The following PPP2R1A variants were observed in gnomAD, a reference collection of about 807,000 sequenced individuals.
PPP2R1A encodes the protein serine/threonine-protein phosphatase 2A 65 kDa regulatory subunit A alpha isoform.
A neutral mutation model predicts 67.1 loss-of-function variants in PPP2R1A; 15 were observed. That is an observed-to-expected ratio of 0.22 (90% CI 0.15 to 0.34). The LOEUF is 0.34. Ranked by LOEUF, PPP2R1A falls within the 10% of genes least tolerant of loss-of-function variation. The pLI, the probability that PPP2R1A is intolerant of heterozygous loss-of-function variation, is 1.00. For synonymous variants in PPP2R1A, 337 were observed against 325.0 expected, an observed-to-expected ratio of 1.04 and a Z score of -0.40; for missense variants, 369 against 775.0, an observed-to-expected ratio of 0.48 and a Z score of 6.22.
rs77987409 is a variant in PPP2R1A, at chr19:52,220,183, C to T, written c.1303-6C>T. On this transcript the variant is annotated splice_polypyrimidine_tract_variant and splice_region_variant and intron_variant, in intron 10 of 14. Transcript: ENST00000322088. ...CTTACCTTGGAACCCTTGGTTTCTC[C>T]TGTAGGGAGTGGAGTTCTTTGATGA... 1.8e-3 allele frequency: 2,864 copies of T among 1,613,898 alleles called. 55 individuals are homozygous for T. The African/African-American group carries it at 0.033, about 19-fold the overall frequency.
rs2089672362 is a variant in PPP2R1A, at chr19:52,211,693, C to G, written c.503+201C>G. On this transcript the variant is annotated intron_variant, in intron 4 of 14. Coordinates refer to ENST00000322088, the MANE Select transcript of PPP2R1A (RefSeq NM_014225.6). This position sits in a 1 kb window ranked among gnomAD's most constrained non-coding sequence, Gnocchi z 5.3. ...ACGTGTCAGTTTACCCACCTCTGCC[C>G]CCTTGCTCACTTAGGAATTGAGATG... 1 of 596,602 alleles carries G rather than the reference C, an allele frequency of 1.7e-6. No individual in the cohort carries two copies. The highest frequency in any genetic ancestry group is 3.0e-6 in the Non-Finnish European group (1 of 338,834). 37.0% of individuals were successfully genotyped at this position (596,602 alleles called of 1,614,324 possible). A position where few individuals can be genotyped will look rare whatever the true frequency, so the allele number is the denominator to read the frequency against.
rs1978595899 is a variant in PPP2R1A, at chr19:52,216,720, A to G, written c.1128+57A>G. Reference sequence around the variant, plus strand: ...GTGGAGGGGACAGGCGGGTCTTCCTAGATTGCTAGGGTTTACCTAGATTGA... The same window carrying G: ...GTGGAGGGGACAGGCGGGTCTTCCTGGATTGCTAGGGTTTACCTAGATTGA... On this transcript the variant is annotated intron_variant, in intron 9 of 14. Transcript: ENST00000322088. The surrounding 1 kb of genome is among the most constrained non-coding windows in gnomAD (Gnocchi z 4.3). 1 of 1,611,684 alleles carries G rather than the reference A, an allele frequency of 6.2e-7. No homozygotes were observed. Among genetic ancestry groups the G allele is most frequent in the Non-Finnish European group, 8.5e-7 (1 of 1,178,302 alleles).
At chr19:52,201,065 T>A (rs1002153126) in intron 1 of PPP2R1A, 1 of 151,426 alleles carries the variant, frequency 6.6e-6, no homozygotes, top group Non-Finnish European at 1.5e-5. Context: ...TAGGATGATA[T>A]TATCTGGACA....
At chr19:52,207,165 G>A (rs1034250889) in intron 3 of PPP2R1A, among the ~76,000 whole-genome samples, 2 of 152,120 alleles carry the variant, frequency 1.3e-5, no homozygotes, top group Admixed American at 6.6e-5. Context: ...CAAATAGATC[G>A]TTTCATACAT....
intron 1 of PPP2R1A, among the ~76,000 whole-genome samples, chr19:52,199,422 G>T (rs777508649): frequency 1.1e-4 from 17 of 151,718 alleles, no homozygotes; most frequent in Admixed American, 2.0e-4. Context: ...GCCTGCCTCG[G>T]CCTCCCAAGG....
In PPP2R1A at chr19:52,216,855, C is replaced by A. The variant is rs1292325804; in HGVS notation, c.1128+192C>A. Among the ~76,000 whole-genome samples the A allele has an allele frequency of 1.3e-5, 2 of 152,172 alleles. No homozygotes were observed. Among genetic ancestry groups the A allele is most frequent in the African/African-American group, 4.8e-5 (2 of 41,434 alleles). On this transcript the variant is annotated intron_variant, in intron 9 of 14. Coordinates refer to ENST00000322088, the MANE Select transcript of PPP2R1A (RefSeq NM_014225.6). This position sits in a 1 kb window ranked among gnomAD's most constrained non-coding sequence, Gnocchi z 4.3. Reference sequence around the variant, plus strand: ...ATTCCTCCAGGCACTCTTCATGAGGCCTTTCCTGGACATGGAGGATATGAA... The same window carrying A: ...ATTCCTCCAGGCACTCTTCATGAGGACTTTCCTGGACATGGAGGATATGAA...
At chr19:52,201,858 G>C in intron 1 of PPP2R1A, 86 bp from the exon 2 acceptor site, 2 of 1,278,922 alleles carry the variant, frequency 1.6e-6, no homozygotes, top group Non-Finnish European at 2.2e-6. Context: ...AAGGCTTCCA[G>C]GGGCTGACTG....
chr19:52,216,812 C>G lies in PPP2R1A; in HGVS notation c.1128+149C>G. 1 of 1,256,376 alleles carries G rather than the reference C, an allele frequency of 8.0e-7. No homozygotes were observed. The highest frequency in any genetic ancestry group is 1.4e-5 in the South Asian group (1 of 70,468). The allele number at this position is 1,256,376 out of a possible 1,614,324, so 77.8% of individuals were successfully genotyped here. A position where few individuals can be genotyped will look rare whatever the true frequency, so the allele number is the denominator to read the frequency against. ...CTGAGTTGCATGTTTGTGGGCATAG[C>G]TGTGTGTTCATGCGTTCATTCCTCC... On this transcript the variant is annotated intron_variant, in intron 9 of 14. Coordinates refer to ENST00000322088, the MANE Select transcript of PPP2R1A (RefSeq NM_014225.6). The surrounding 1 kb of genome is among the most constrained non-coding windows in gnomAD (Gnocchi z 4.3).
intron 3 of PPP2R1A, among the ~76,000 whole-genome samples, chr19:52,208,511 T>C (rs1234822415): frequency 6.6e-6 from 1 of 151,548 alleles, no homozygotes; most frequent in African/African-American, 2.4e-5. Flanking sequence ...TATTTTTATT[T>C]TTCTTTGAGA....
chr19:52,193,580 GTTTTA>G (rs1185325789), intron 1 of PPP2R1A, among the ~76,000 whole-genome samples: 3 of 152,010 alleles, frequency 2.0e-5, no homozygotes, highest in Non-Finnish European at 4.4e-5. Flanking sequence ...TAACACTTTG[GTTTTA>G]TTTTATTTTA....
At position 52,213,471 on chromosome 19, in the gene PPP2R1A, T is replaced by G. The variant is rs1037429885; in HGVS notation, c.807+361T>G. Among the ~76,000 whole-genome samples the G allele has an allele frequency of 4.3e-5, 5 of 116,892 alleles. No homozygotes were observed. The highest frequency in any genetic ancestry group is 2.3e-4 in the East Asian group (1 of 4,432). The allele number at this position is 116,892 out of a possible 152,430, so 76.7% of individuals were successfully genotyped here. ...GGTTTTTTGGTGTTTTTTTTTTTTT[T>G]TTTTTTTTTTTTTTTTAAGATGGAG... On this transcript the variant is annotated intron_variant, in intron 6 of 14. Transcript: ENST00000322088. The surrounding 1 kb of genome is among the most constrained non-coding windows in gnomAD (Gnocchi z 4.2).
intron 7 of PPP2R1A, 44 bp from the exon 8 acceptor site, chr19:52,215,960 A>G (rs1203176711): frequency 1.2e-6 from 2 of 1,609,472 alleles, no homozygotes; most frequent in East Asian, 2.2e-5. Flanking sequence ...TGGAACTAGC[A>G]CATCAGGTCT....
chr19:52,220,980 A>G lies in PPP2R1A; in HGVS notation c.1365A>G (p.Val455=), dbSNP rs1306993943. Residue 455 remains valine, a splice_region_variant and synonymous_variant, in exon 12 of 15, where the codon GTA becomes GTG. Coordinates refer to ENST00000322088, the MANE Select transcript of PPP2R1A (RefSeq NM_014225.6). The part of the protein sequence containing the change: ...SLCMAWLVDH[V]YAIREAATSN... Reference sequence around the variant, plus strand: ...TCTCTCACCCTCACCCTTCTGCAGTATATGCCATCCGCGAGGCAGCCACCA... The same window carrying G: ...TCTCTCACCCTCACCCTTCTGCAGTGTATGCCATCCGCGAGGCAGCCACCA... 2 of 1,614,204 alleles carry G rather than the reference A, an allele frequency of 1.2e-6. No homozygotes were observed. The highest frequency in any genetic ancestry group is 3.3e-5 in the Admixed American group (2 of 60,030).
intron 3 of PPP2R1A, among the ~76,000 whole-genome samples, chr19:52,210,556 G>A (rs1202088271): frequency 6.7e-6 from 1 of 148,950 alleles, no homozygotes. Context: ...GCAGTGGTGC[G>A]ATCTCGGCTT....
intron 3 of PPP2R1A, among the ~76,000 whole-genome samples, chr19:52,206,883 T>C (rs10405253): frequency 0.014 from 2,153 of 151,924 alleles, 50 homozygotes; most frequent in African/African-American, 0.05. Context: ...CCCCCAGTGA[T>C]TGTGTATTTC....
At position 52,217,998 on chromosome 19, in the gene PPP2R1A, G is replaced by A. The variant is rs565448054; in HGVS notation, c.1128+1335G>A. 4.5e-4 allele frequency among the ~76,000 whole-genome samples: 68 copies of A among 152,292 alleles called. 1 individual carries two copies. In the South Asian group the frequency reaches 0.013, roughly 30 times the overall value. On this transcript the variant is annotated intron_variant, in intron 9 of 14. Coordinates refer to ENST00000322088, the MANE Select transcript of PPP2R1A (RefSeq NM_014225.6). ...GTGTAGGCAGACCAAACCGGAGGCT[G>A]TGGGAGTCTGGAAGGCTGAGGCTAG...
Position 52,211,596 on chromosome 19 carries a change from A to G in PPP2R1A, c.503+104A>G, listed in dbSNP as rs2122330801. 2 of 1,143,270 alleles carry G rather than the reference A, an allele frequency of 1.7e-6. No individual in the cohort carries two copies. The highest frequency in any genetic ancestry group is 2.5e-5 in the East Asian group (1 of 40,320). The allele number at this position is 1,143,270 out of a possible 1,614,324, so 70.8% of individuals were successfully genotyped here. A position where few individuals can be genotyped will look rare whatever the true frequency, so the allele number is the denominator to read the frequency against. ...CTAGCTGGGGCCCAAATGCCCCTGAACTCTCTCCACTCCCACTCCTGCTTA... is the reference window on the plus strand; with the variant it reads ...CTAGCTGGGGCCCAAATGCCCCTGAGCTCTCTCCACTCCCACTCCTGCTTA... On this transcript the variant is annotated intron_variant, in intron 4 of 14. Transcript: ENST00000322088. This position sits in a 1 kb window ranked among gnomAD's most constrained non-coding sequence, Gnocchi z 5.3.
chr19:52,190,260 C>A, intron 1 of PPP2R1A, 86 bp downstream of exon 1: 1 of 1,456,678 alleles, frequency 6.9e-7, no homozygotes, highest in Admixed American at 2.1e-5. Context: ...TCAGCGTTCG[C>A]TGGGAGTGGC....
intron 1 of PPP2R1A, among the ~76,000 whole-genome samples, chr19:52,198,257 C>T (rs889520372): frequency 3.3e-5 from 5 of 152,194 alleles, no homozygotes; most frequent in African/African-American, 9.7e-5. Context: ...TCTGTAGTAC[C>T]ACCCTAGGCC....
Sources: gnomAD v4.1 joint callset for allele counts (sites outside exome capture counted in the v4.1 genomes callset) on GRCh38, gnomAD v4.1.1 for gene constraint, Gnocchi (gnomAD v3.1) non-coding constraint, MANE v1.5 for transcripts, NCBI Gene and HGNC (gene_info 2026-07-23, HGNC 2026-07-21) for gene names.